Variants in PFKM observed in about 807,000 individuals in gnomAD.
PFKM encodes phosphofructokinase, muscle.
A neutral mutation model predicts 95.5 loss-of-function variants in PFKM; 58 were observed. The ratio of observed to expected loss-of-function variants is 0.61; its 90% confidence interval spans 0.49 to 0.76. The LOEUF is 0.76. Among genes scored for constraint, PFKM ranks in the 30% least tolerant of loss-of-function variants. The probability of loss-of-function intolerance (pLI) is 0.00; values close to 1 mark genes in which losing one functional copy is unlikely to be tolerated. For missense variants in PFKM, 678 were observed against 1,005.4 expected (o/e 0.67, Z 4.40); for synonymous variants, 336 against 357.2 (o/e 0.94, Z 0.67).
intron 3 of PFKM, among the ~76,000 whole-genome samples, chr12:48,110,660 T>C: frequency 6.6e-6 from 1 of 152,224 alleles, no homozygotes; most frequent in East Asian, 1.9e-4. Flanking sequence ...CAGGGTGTTC[T>C]GCTCCTTGTT....
intron 7 of PFKM, 102 bp downstream of exon 7, chr12:48,134,378 A>T: frequency 1.0e-6 from 1 of 967,956 alleles, no homozygotes; most frequent in Non-Finnish European, 1.7e-6. Flanking sequence ...GCAGATCTGG[A>T]GGTGCACATG....
At position 48,122,868 on chromosome 12, in the gene PFKM, G is replaced by T. The variant is rs777960882; in HGVS notation, c.85+9G>T. 1 of 1,613,490 alleles carries T rather than the reference G, an allele frequency of 6.2e-7. No homozygotes were observed. Among genetic ancestry groups the T allele is most frequent in the South Asian group, 1.1e-5 (1 of 91,068 alleles). ...TGGTGGAGATGCCCAAGGTAAGGAG[G>T]AGGGGACAAAAAACATGGCTGGTGG... On this transcript the variant is annotated intron_variant, in intron 2 of 22. Transcript: ENST00000359794.
intron 3 of PFKM, among the ~76,000 whole-genome samples, chr12:48,114,196 G>A (rs1393250438): frequency 6.6e-6 from 1 of 152,196 alleles, no homozygotes; most frequent in African/African-American, 2.4e-5. Flanking sequence ...CATTCATCTG[G>A]GGAGAGGGTA....
chr12:48,141,230 G>A, intron 14 of PFKM, 81 bp from the exon 15 acceptor site: 1 of 1,311,726 alleles, frequency 7.6e-7, no homozygotes, highest in Non-Finnish European at 1.1e-6. Context: ...GGTAGGGTTA[G>A]AACTCAAGCA....
Position 48,135,320 on chromosome 12 carries a change from C to T in PFKM, c.873C>T (p.Thr291=), listed in dbSNP as rs916225026. 1.2e-6 allele frequency: 2 copies of T among 1,614,102 alleles called. No homozygotes were observed. The highest frequency in any genetic ancestry group is 1.3e-5 in the African/African-American group (1 of 75,028). The change falls in exon 10 of 23, where the codon ACC becomes ACT. Residue 291 remains threonine (T), a synonymous_variant. Transcript: ENST00000359794. ...TGGTTAAGCGTCTGGGATATGACAC[C>T]CGGGTTACTGTCTTGGGGCATGTGC... ...NLVVKRLGYD[T]RVTVLGHVQR... is the part of the protein sequence containing the mutation.
intron 11 of PFKM, 27 bp from the exon 12 acceptor site, chr12:48,139,258 G>A: frequency 6.3e-7 from 1 of 1,599,024 alleles, no homozygotes; most frequent in Non-Finnish European, 8.6e-7. Flanking sequence ...CCCTGGAGTT[G>A]AAACTGTCGC....
At chr12:48,136,276 C>T (rs1177607879) in intron 10 of PFKM, among the ~76,000 whole-genome samples, 1 of 152,192 alleles carries the variant, frequency 6.6e-6, no homozygotes, top group Non-Finnish European at 1.5e-5. Flanking sequence ...AATGGAATTG[C>T]ATAATATGCA....
chr12:48,145,124 C>T lies in PFKM; in HGVS notation c.2086C>T (p.Arg696Cys), dbSNP rs776376691. 4.6e-5 allele frequency: 75 copies of T among 1,613,546 alleles called. No individual in the cohort carries two copies. The highest frequency in any genetic ancestry group is 5.8e-5 in the Non-Finnish European group (69 of 1,179,598). Reference protein sequence around the residue: ...WMSGKIKESYRNGRIFANTPD... With the variant: ...WMSGKIKESYCNGRIFANTPD... ...GTCTGGGAAAATCAAAGAGAGTTAC[C>T]GTAATGGTAGGTGGGGTGAGAGCGA... Residue 696 changes from arginine (R) to cysteine (C), a missense_variant, in exon 21 of 23, where the codon CGT becomes TGT. Transcript: ENST00000359794. This position sits in a 1 kb window ranked among gnomAD's most constrained non-coding sequence, Gnocchi z 4.3.
intron 14 of PFKM, 64 bp downstream of exon 14, chr12:48,140,935 T>G: frequency 2.6e-6 from 4 of 1,544,454 alleles, no homozygotes; most frequent in East Asian, 2.2e-5. Context: ...AAGAATGACC[T>G]GTCCATTCTC....
chr12:48,105,411 A>T (rs748572752), upstream of PFKM: 1 of 519,066 alleles, frequency 1.9e-6, no homozygotes, highest in Admixed American at 1.9e-5. Flanking sequence ...CCAGGAGGCG[A>T]TGAGCCAGGT....
chr12:48,143,856 A>C, intron 19 of PFKM, 42 bp downstream of exon 19: 4 of 1,504,484 alleles, frequency 2.7e-6, no homozygotes, highest in Non-Finnish European at 2.8e-6. Context: ...GAAGAAAAAT[A>C]AGCTTTGGCT....
chr12:48,141,233 C>T, intron 14 of PFKM, 78 bp from the exon 15 acceptor site: 9 of 1,349,734 alleles, frequency 6.7e-6, no homozygotes, highest in South Asian at 3.5e-5. Flanking sequence ...AGGGTTAGAA[C>T]TCAAGCAGTG....
rs552515627 is a variant in PFKM at position 48,142,929 on chromosome 12, A to G, written c.1801A>G (p.Thr601Ala). The change falls in exon 18 of 23, where the codon ACC becomes GCC. Residue 601 changes from threonine (T) to alanine (A), a missense_variant. Coordinates refer to ENST00000359794, the MANE Select transcript of PFKM (RefSeq NM_000289.6). ...TGCCTACATTTTTGAGGAGCCCTTC[A>G]CCATTCGAGACCTGCAGGTAGCTGG... ...DAAYIFEEPF[T>A]IRDLQANVEH... 1.7e-5 allele frequency: 27 copies of G among 1,613,684 alleles called. No homozygotes were observed. The highest frequency in any genetic ancestry group is 3.3e-5 in the Admixed American group (2 of 59,988).
Position 48,122,756 on chromosome 12 carries a change from T to C in PFKM, c.-8-11T>C, listed in dbSNP as rs781022441. 6.2e-7 allele frequency: 1 copy of C among 1,613,720 alleles called. No homozygotes were observed. The highest frequency in any genetic ancestry group is 8.5e-7 in the Non-Finnish European group (1 of 1,179,834). On this transcript the variant is annotated splice_polypyrimidine_tract_variant and intron_variant, in intron 1 of 22. Coordinates refer to ENST00000359794, the MANE Select transcript of PFKM (RefSeq NM_000289.6). The stretch of plus-strand genomic sequence containing the variant: ...TGCTGTGTCTTAACTGACCATTGTC[T>C]TAAATTCTAGAGTGGATCATGACCC...
intron 1 of PFKM, among the ~76,000 whole-genome samples, chr12:48,121,884 C>G (rs1267144373): frequency 1.3e-5 from 2 of 152,092 alleles, no homozygotes. Flanking sequence ...AGGTTTTAGC[C>G]TGAAAAACTG....
Position 48,140,411 on chromosome 12 carries a change from G to A in PFKM, c.1192-311G>A, listed in dbSNP as rs1950478109. ...ACAGGCTCCCCCAGTGGATTCTGAT[G>A]CAGGTGATCCAAGGAACACACTTGG... On this transcript the variant is annotated intron_variant, in intron 13 of 22. Coordinates refer to ENST00000359794, the MANE Select transcript of PFKM (RefSeq NM_000289.6). Among the ~76,000 whole-genome samples the A allele has an allele frequency of 2.0e-5, 3 of 152,206 alleles. No homozygotes were observed. The South Asian group carries it at 6.2e-4, about 32-fold the overall frequency.
At position 48,133,499 on chromosome 12, in the gene PFKM, T is replaced by C. The variant is rs374316358; in HGVS notation, c.593+19T>C. 1.2e-6 allele frequency: 2 copies of C among 1,611,138 alleles called. No individual in the cohort carries two copies. Among genetic ancestry groups the C allele is most frequent in the African/African-American group, 1.3e-5 (1 of 74,916 alleles). ...CCCAGAGGTAAGGGGACTTGGGAGGTAGGCAGTGTAAGAAGATGGCAGCTA... is the reference window on the plus strand; with the variant it reads ...CCCAGAGGTAAGGGGACTTGGGAGGCAGGCAGTGTAAGAAGATGGCAGCTA... On this transcript the variant is annotated intron_variant, in intron 6 of 22. Transcript: ENST00000359794.
chr12:48,116,946 GTA>G (rs2137705204), upstream of PFKM, among the ~76,000 whole-genome samples: 1 of 152,346 alleles, frequency 6.6e-6, no homozygotes, highest in East Asian at 1.9e-4. Context: ...CATGACAAAT[GTA>G]TGTCATGTAT....
At chr12:48,131,255 C>A in intron 3 of PFKM, 61 bp from the exon 4 acceptor site, 1 of 1,176,006 alleles carries the variant, frequency 8.5e-7, no homozygotes, top group Non-Finnish European at 1.3e-6. Flanking sequence ...GGGATCCTGT[C>A]TTAATCTTGG....
Sources: gnomAD v4.1 joint callset for allele counts (sites outside exome capture counted in the v4.1 genomes callset) on GRCh38, gnomAD v4.1.1 for gene constraint, Gnocchi (gnomAD v3.1) non-coding constraint, MANE v1.5 for transcripts, NCBI Gene and HGNC (gene_info 2026-07-23, HGNC 2026-07-21) for gene names.